Variants in RBFOX1 observed in about 807,000 individuals in gnomAD.
The protein encoded by RBFOX1 is RNA binding protein fox-1 homolog 1.
RBFOX1 carries 8 observed loss-of-function variants against 57.7 expected under a neutral mutation model. That is an observed-to-expected ratio of 0.14 (90% CI 0.08 to 0.25). RBFOX1 has a LOEUF of 0.25. Ranked by LOEUF, RBFOX1 falls within the 10% of genes least tolerant of loss-of-function variation. The pLI is 1.00. For synonymous variants in RBFOX1, 326 were observed against 222.4 expected, an observed-to-expected ratio of 1.47 and a Z score of -4.15; for missense variants, 611 against 548.5, an observed-to-expected ratio of 1.11 and a Z score of -1.14.
intron 4 of RBFOX1, among the ~76,000 whole-genome samples, chr16:7,266,644 T>G (rs1471071687): frequency 2.0e-5 from 3 of 152,180 alleles, no homozygotes; most frequent in African/African-American, 7.2e-5. Context: ...AGGGCACACT[T>G]CACTCCGTAA....
At chr16:6,082,905 C>T (rs979560847) in intron 1 of RBFOX1, among the ~76,000 whole-genome samples, 1 of 152,158 alleles carries the variant, frequency 6.6e-6, no homozygotes, top group Non-Finnish European at 1.5e-5. Flanking sequence ...TAGCCCATAG[C>T]ACCCCTGCTC....
chr16:7,391,536 T>C (rs1390999216), intron 4 of RBFOX1, among the ~76,000 whole-genome samples: 2 of 152,232 alleles, frequency 1.3e-5, no homozygotes, highest in Non-Finnish European at 2.9e-5. Flanking sequence ...GTTCACAAAA[T>C]TAAAACTTCC....
rs1196957985 is a variant in RBFOX1, at chr16:7,292,722, C to G, written c.28-225425C>G. On this transcript the variant is annotated intron_variant, in intron 4 of 15. Coordinates refer to ENST00000550418, the MANE Select transcript of RBFOX1 (RefSeq NM_018723.4). ...AAGTCCAGCCAGGGACATATATAGT[C>G]TTTTTCTTACATGTCACTCTACTGA... 2.6e-5 allele frequency among the ~76,000 whole-genome samples: 4 copies of G among 151,988 alleles called. No individual in the cohort carries two copies. The East Asian group carries it at 7.7e-4, about 29-fold the overall frequency.
Position 7,523,798 on chromosome 16 carries a change from G to C in RBFOX1, c.270+5409G>C, listed in dbSNP as rs538862071. Among the ~76,000 whole-genome samples the C allele has an allele frequency of 2.6e-5, 4 of 152,210 alleles. No individual in the cohort carries two copies. The East Asian group carries it at 7.7e-4, about 29-fold the overall frequency. On this transcript the variant is annotated intron_variant, in intron 5 of 15. Transcript: ENST00000550418. Reference sequence around the variant, plus strand: ...TACTCATCTCTCTTTGGCCAAAAAGGAGATGTGACTTTTCAGTTATCCTTT... The same window carrying C: ...TACTCATCTCTCTTTGGCCAAAAAGCAGATGTGACTTTTCAGTTATCCTTT...
At chr16:6,272,278 G>T (rs1007173420) in intron 1 of RBFOX1, among the ~76,000 whole-genome samples, 9 of 151,986 alleles carry the variant, frequency 5.9e-5, no homozygotes, top group Admixed American at 2.6e-4. Context: ...CAGAAAAACA[G>T]GAATAAAGAG....
chr16:6,859,064 G>C (rs2058412769), intron 3 of RBFOX1, among the ~76,000 whole-genome samples: 1 of 143,114 alleles, frequency 7.0e-6, no homozygotes, highest in Non-Finnish European at 1.5e-5. Flanking sequence ...GAGGAATTAA[G>C]TTATGCTCCC....
chr16:6,045,577 G>A (rs560140130), intron 1 of RBFOX1, among the ~76,000 whole-genome samples: 2 of 152,268 alleles, frequency 1.3e-5, no homozygotes, highest in Non-Finnish European at 2.9e-5. Flanking sequence ...CAGACACCAG[G>A]CATCTTTTCG....
intron 4 of RBFOX1, among the ~76,000 whole-genome samples, chr16:7,494,456 T>A (rs1302227826): frequency 6.6e-6 from 1 of 152,178 alleles, no homozygotes; most frequent in African/African-American, 2.4e-5. Context: ...CTGGGTTTGA[T>A]GGATTATTTT....
chr16:7,663,507 G>A (rs2068338723), intron 12 of RBFOX1, among the ~76,000 whole-genome samples: 1 of 136,766 alleles, frequency 7.3e-6, no homozygotes, highest in African/African-American at 3.0e-5. Context: ...AGTACAGCGT[G>A]TGTGTGTGTG....
chr16:6,809,174 C>G (rs1482766730), intron 3 of RBFOX1, among the ~76,000 whole-genome samples: 4 of 152,152 alleles, frequency 2.6e-5, no homozygotes, highest in East Asian at 1.9e-4. Context: ...AGTCATTTCC[C>G]TTTTTCTGTC....
intron 1 of RBFOX1, among the ~76,000 whole-genome samples, chr16:5,422,446 G>A (rs1186998312): frequency 1.6e-5 from 2 of 126,802 alleles, no homozygotes; most frequent in African/African-American, 3.0e-5. Context: ...ATGATGGAGA[G>A]GGAACATGAG....
intron 4 of RBFOX1, among the ~76,000 whole-genome samples, chr16:7,056,416 A>G: frequency 6.6e-6 from 1 of 152,116 alleles, no homozygotes; most frequent in East Asian, 1.9e-4. Context: ...CTCACTATGG[A>G]ATCTGTGCAT....
intron 2 of RBFOX1, among the ~76,000 whole-genome samples, chr16:5,470,628 T>A (rs980341481): frequency 2.0e-5 from 3 of 152,120 alleles, no homozygotes; most frequent in Non-Finnish European, 4.4e-5. Flanking sequence ...CCATGCAGCA[T>A]CTGAGCAACT....
intron 1 of RBFOX1, among the ~76,000 whole-genome samples, chr16:5,372,623 C>T (rs948396574): frequency 5.9e-5 from 9 of 152,162 alleles, no homozygotes; most frequent in African/African-American, 2.2e-4. Context: ...TCAGGTCTCT[C>T]TACTATCGTG....
chr16:5,244,668 G>A (rs2062251213), intron 1 of RBFOX1, among the ~76,000 whole-genome samples: 1 of 152,240 alleles, frequency 6.6e-6, no homozygotes, highest in Admixed American at 6.5e-5. Context: ...TGTCTGCTGT[G>A]GCGCTCTTGT....
chr16:7,345,643 G>T lies in RBFOX1; in HGVS notation c.28-172504G>T, dbSNP rs1361139571. Among the ~76,000 whole-genome samples, 4 of 152,120 alleles carry T rather than the reference G, an allele frequency of 2.6e-5. No individual in the cohort carries two copies. The South Asian group carries it at 6.2e-4, about 24-fold the overall frequency. ...GCCGAGTCCCCTCTCTGTCTACATT[G>T]TAAGGGACCAGAGCTCCCACTTGCT... On this transcript the variant is annotated intron_variant, in intron 4 of 15. Coordinates refer to ENST00000550418, the MANE Select transcript of RBFOX1 (RefSeq NM_018723.4).
chr16:5,750,795 C>T (rs770251496), intron 3 of RBFOX1, among the ~76,000 whole-genome samples: 1 of 152,230 alleles, frequency 6.6e-6, no homozygotes, highest in Non-Finnish European at 1.5e-5. Flanking sequence ...AGGGAATTCC[C>T]TGACACCTTG....
intron 4 of RBFOX1, among the ~76,000 whole-genome samples, chr16:7,456,481 A>G (rs949819059): frequency 4.6e-5 from 7 of 152,038 alleles, no homozygotes; most frequent in East Asian, 1.9e-4. Flanking sequence ...TGCCTCTCCA[A>G]CTCCCAGCAT....
At chr16:6,320,784 T>G (rs938483116) in intron 2 of RBFOX1, among the ~76,000 whole-genome samples, 1 of 151,914 alleles carries the variant, frequency 6.6e-6, no homozygotes, top group Non-Finnish European at 1.5e-5. Flanking sequence ...AAAAAAAAAT[T>G]TGTTACTTTA....
Sources: gnomAD v4.1 joint callset for allele counts (sites outside exome capture counted in the v4.1 genomes callset) on GRCh38, gnomAD v4.1.1 for gene constraint, MANE v1.5 for transcripts, NCBI Gene and HGNC (gene_info 2026-07-23, HGNC 2026-07-21) for gene names.